The following SMOC1 variants were observed in gnomAD, a reference collection of about 807,000 sequenced individuals.
SMOC1 encodes SPARC-related modular calcium-binding protein 1.
A neutral mutation model predicts 56.3 loss-of-function variants in SMOC1; 22 were observed. The ratio of observed to expected loss-of-function variants is 0.39; its 90% CI spans 0.28 to 0.56. The LOEUF (loss-of-function observed/expected upper bound fraction) is 0.56, where lower values mean the gene tolerates loss of function less well. SMOC1 is among the 20% of genes least tolerant of loss of function. SMOC1 has a pLI of 0.61. For synonymous variants in SMOC1, 193 were observed against 215.0 expected, an observed-to-expected ratio of 0.90 and a Z score of 0.89; for missense variants, 509 against 565.4, an observed-to-expected ratio of 0.90 and a Z score of 1.01.
intron 7 of SMOC1, among the ~76,000 whole-genome samples, chr14:70,008,339 T>C (rs1179725964): frequency 6.6e-6 from 1 of 152,178 alleles, no homozygotes; most frequent in Non-Finnish European, 1.5e-5. Flanking sequence ...ATAGTCTTGC[T>C]ATGTTACCCA....
At chr14:69,947,129 C>CTT (rs3051816) in intron 1 of SMOC1, among the ~76,000 whole-genome samples, 1 of 150,400 alleles carries the variant, frequency 6.6e-6, no homozygotes, top group Non-Finnish European at 1.5e-5. Flanking sequence ...TCCTTCCTTC[C>CTT]CTCCCTCCCT....
intron 10 of SMOC1, 23 bp downstream of exon 10, chr14:70,013,514 G>A (rs746719405): frequency 4.4e-6 from 7 of 1,609,132 alleles, no homozygotes; most frequent in Non-Finnish European, 6.0e-6. Context: ...GCAGGAATCA[G>A]GCCCAGGAGA....
intron 8 of SMOC1, 152 bp downstream of exon 8, chr14:70,011,098 C>A: frequency 1.2e-6 from 1 of 861,238 alleles, no homozygotes; most frequent in Non-Finnish European, 1.8e-6. Flanking sequence ...GTAGAAAGAC[C>A]CTGGGACCTG....
intron 1 of SMOC1, among the ~76,000 whole-genome samples, chr14:69,936,667 A>G (rs914815394): frequency 2.0e-5 from 3 of 152,068 alleles, no homozygotes; most frequent in African/African-American, 7.2e-5. Flanking sequence ...TTTGGGTGCA[A>G]CTTGGCTAAA....
chr14:69,929,747 T>C (rs926263001), intron 1 of SMOC1, among the ~76,000 whole-genome samples: 1 of 152,182 alleles, frequency 6.6e-6, no homozygotes, highest in Admixed American at 6.5e-5. Context: ...AAGAGCTTCT[T>C]GGTTCTGGAT....
intron 1 of SMOC1, among the ~76,000 whole-genome samples, chr14:69,946,221 G>A (rs1479591159): frequency 6.6e-6 from 1 of 152,176 alleles, no homozygotes; most frequent in Admixed American, 6.6e-5. Flanking sequence ...TCAGATGGAG[G>A]GGATGACTAG....
intron 1 of SMOC1, among the ~76,000 whole-genome samples, chr14:69,881,477 A>T (rs1399397162): frequency 6.6e-6 from 1 of 152,034 alleles, no homozygotes; most frequent in Non-Finnish European, 1.5e-5. Context: ...CCTTTAGGGG[A>T]AAGCTAGGGA....
At chr14:69,904,300 A>G (rs766732872) in intron 1 of SMOC1, among the ~76,000 whole-genome samples, 5 of 152,226 alleles carry the variant, frequency 3.3e-5, no homozygotes, top group Non-Finnish European at 5.9e-5. Flanking sequence ...CTTCCCACCT[A>G]TGAGTGAAAC....
chr14:69,987,367 C>T (rs1884402781), intron 5 of SMOC1, among the ~76,000 whole-genome samples: 1 of 152,100 alleles, frequency 6.6e-6, no homozygotes, highest in Non-Finnish European at 1.5e-5. Context: ...TTCTTTTTTC[C>T]TCATTCTCCA....
intron 1 of SMOC1, among the ~76,000 whole-genome samples, chr14:69,923,772 C>T (rs373422767): frequency 3.9e-5 from 6 of 152,190 alleles, no homozygotes; most frequent in Admixed American, 3.9e-4. Flanking sequence ...ATATACCTAT[C>T]CTGCCCTTTC....
chr14:69,938,383 C>T (rs1882407413), intron 1 of SMOC1, among the ~76,000 whole-genome samples: 1 of 151,932 alleles, frequency 6.6e-6, no homozygotes, highest in African/African-American at 2.4e-5. Flanking sequence ...GCACAATATG[C>T]GAGTGGATAA....
At chr14:69,987,953 C>G (rs114844334) in intron 5 of SMOC1, among the ~76,000 whole-genome samples, 7,192 of 152,326 alleles carry the variant, frequency 0.047, 319 homozygotes, top group African/African-American at 0.12. Context: ...GTTGGGGAAT[C>G]TCCGGAGGCC....
At chr14:70,015,048 T>C (rs1313328322) in intron 10 of SMOC1, among the ~76,000 whole-genome samples, 2 of 152,148 alleles carry the variant, frequency 1.3e-5, no homozygotes, top group Non-Finnish European at 2.9e-5. Context: ...AGCCAAGATA[T>C]GGAAACAACC....
intron 3 of SMOC1, among the ~76,000 whole-genome samples, chr14:69,966,014 GAA>G (rs1416706599): frequency 6.6e-6 from 1 of 152,108 alleles, no homozygotes; most frequent in East Asian, 1.9e-4. Context: ...TGTGAAGACA[GAA>G]AAGTTTTATT....
At chr14:69,965,541 C>T (rs1012573855) in intron 3 of SMOC1, among the ~76,000 whole-genome samples, 2 of 152,036 alleles carry the variant, frequency 1.3e-5, no homozygotes, top group Non-Finnish European at 2.9e-5. Context: ...GATTCTGACT[C>T]GAAATAGGGA....
In SMOC1 at chr14:69,949,591, G is replaced by A. The variant is rs1416766539; in HGVS notation, c.100-2547G>A. ...CAGGAGATTGTCCTCACCTGGGAGA[G>A]TCAGGGAGAACCTCCTGGAAGAGAC... On this transcript the variant is annotated intron_variant, in intron 1 of 11. Coordinates refer to ENST00000361956, the MANE Select transcript of SMOC1 (RefSeq NM_001034852.3). Among the ~76,000 whole-genome samples, 4 of 152,220 alleles carry A rather than the reference G, an allele frequency of 2.6e-5. No homozygotes were observed. In the East Asian group the frequency reaches 7.7e-4, roughly 29 times the overall value.
chr14:69,892,701 C>G (rs1188610020), intron 1 of SMOC1, among the ~76,000 whole-genome samples: 6 of 152,168 alleles, frequency 3.9e-5, no homozygotes, highest in African/African-American at 1.4e-4. Flanking sequence ...TCCCTATTCC[C>G]CTGCTCAGAT....
At chr14:70,014,083 A>G (rs930055367) in intron 10 of SMOC1, among the ~76,000 whole-genome samples, 3 of 152,238 alleles carry the variant, frequency 2.0e-5, no homozygotes, top group Non-Finnish European at 4.4e-5. Flanking sequence ...GTTTGGGCCC[A>G]TTAGGCCAGT....
chr14:69,925,748 C>T (rs1197589671), intron 1 of SMOC1, among the ~76,000 whole-genome samples: 1 of 152,182 alleles, frequency 6.6e-6, no homozygotes, highest in Non-Finnish European at 1.5e-5. Flanking sequence ...TGCTGGCTCT[C>T]TGGAACCTGG....
Sources: allele counts gnomAD v4.1 joint callset (sites outside exome capture counted in the v4.1 genomes callset), GRCh38; gene constraint gnomAD v4.1.1; transcripts MANE v1.5; gene names NCBI Gene and HGNC (gene_info 2026-07-23, HGNC 2026-07-21).